Variants in NELL2 observed in about 807,000 individuals in gnomAD.
NELL2 encodes protein kinase C-binding protein NELL2.
NELL2 carries 41 observed loss-of-function variants against 109.6 expected under a neutral mutation model. That is an observed-to-expected ratio of 0.37 (90% CI 0.29 to 0.49). The LOEUF (loss-of-function observed/expected upper bound fraction) is 0.49, where lower values mean the gene tolerates loss of function less well. Ranked by LOEUF, NELL2 falls within the 20% of genes least tolerant of loss-of-function variation. The probability of loss-of-function intolerance (pLI) is 0.98; values close to 1 mark genes in which losing one functional copy is unlikely to be tolerated. For synonymous variants in NELL2, 355 were observed against 344.7 expected (o/e 1.03, Z -0.33); for missense variants, 900 against 1,008.3 (o/e 0.89, Z 1.45).
At chr12:44,867,612 G>GCAA (rs1566562966) in intron 2 of NELL2, among the ~76,000 whole-genome samples, 2 of 152,120 alleles carry the variant, frequency 1.3e-5, no homozygotes, top group Admixed American at 1.3e-4. Flanking sequence ...ACATAGTACT[G>GCAA]TAAGTCCTAG....
chr12:44,547,910 C>G (rs1224870471), intron 15 of NELL2, among the ~76,000 whole-genome samples: 1 of 152,170 alleles, frequency 6.6e-6, no homozygotes, highest in African/African-American at 2.4e-5. Context: ...TCTTACTTAT[C>G]CAGGCTGCTG....
intron 15 of NELL2, among the ~76,000 whole-genome samples, chr12:44,565,912 A>C (rs1394181132): frequency 6.6e-6 from 1 of 152,166 alleles, no homozygotes; most frequent in Non-Finnish European, 1.5e-5. Context: ...TAAGAAGCTT[A>C]GACTTTATCT....
At chr12:44,739,854 C>T (rs535975730) in intron 9 of NELL2, among the ~76,000 whole-genome samples, 1 of 152,276 alleles carries the variant, frequency 6.6e-6, no homozygotes, top group Admixed American at 6.5e-5. Flanking sequence ...TGCGCGACTG[C>T]ACTCCAGCAT....
intron 11 of NELL2, among the ~76,000 whole-genome samples, chr12:44,705,015 T>G (rs1351356507): frequency 1.7e-5 from 1 of 59,920 alleles, no homozygotes; most frequent in Non-Finnish European, 3.9e-5. Context: ...TAGGACTCCA[T>G]CAAAAAAAAA....
chr12:44,762,664 A>G (rs1028938092), intron 9 of NELL2, among the ~76,000 whole-genome samples: 9 of 152,186 alleles, frequency 5.9e-5, no homozygotes, highest in African/African-American at 2.2e-4. Flanking sequence ...CTCACTACAC[A>G]GAGCCTCTGA....
At chr12:44,754,382 C>T (rs1261051915) in intron 9 of NELL2, among the ~76,000 whole-genome samples, 1 of 152,136 alleles carries the variant, frequency 6.6e-6, no homozygotes, top group East Asian at 1.9e-4. Flanking sequence ...CATGAGATAT[C>T]ACCCTTTTGT....
At chr12:44,586,796 T>C (rs1944523646) in intron 15 of NELL2, among the ~76,000 whole-genome samples, 1 of 152,202 alleles carries the variant, frequency 6.6e-6, no homozygotes, top group Non-Finnish European at 1.5e-5. Context: ...TGAAGGAGAT[T>C]GGAATAGACT....
intron 10 of NELL2, among the ~76,000 whole-genome samples, chr12:44,714,180 T>G (rs1281237457): frequency 1.3e-5 from 2 of 151,986 alleles, no homozygotes; most frequent in Non-Finnish European, 2.9e-5. Flanking sequence ...AATTTCCCTT[T>G]AACTAATTTA....
intron 1 of NELL2, among the ~76,000 whole-genome samples, chr12:44,898,332 G>A (rs944796002): frequency 3.9e-5 from 6 of 152,152 alleles, no homozygotes; most frequent in Admixed American, 6.5e-5. Context: ...AGCAGGGGTC[G>A]ACAGACATGT....
At chr12:44,720,944 A>T (rs1938737705) in intron 9 of NELL2, among the ~76,000 whole-genome samples, 1 of 152,198 alleles carries the variant, frequency 6.6e-6, no homozygotes, top group South Asian at 2.1e-4. Context: ...AAAAGAGAAC[A>T]GGCCCTGAAA....
chr12:44,777,562 T>C (rs1227256717), intron 5 of NELL2, among the ~76,000 whole-genome samples: 1 of 152,188 alleles, frequency 6.6e-6, no homozygotes, highest in Non-Finnish European at 1.5e-5. Context: ...TGTCAAGATA[T>C]AACTAAGAGG....
intron 15 of NELL2, among the ~76,000 whole-genome samples, chr12:44,571,449 A>G (rs1318213466): frequency 6.6e-6 from 1 of 152,170 alleles, no homozygotes; most frequent in Non-Finnish European, 1.5e-5. Context: ...CTTATTAAGA[A>G]TCCAGTAAAG....
chr12:44,714,674 T>C lies in NELL2; in HGVS notation c.1062A>G (p.Gly354=). ...GERNTVYSSS[G]VCVLYECKDQ... ...CCTTGCACTCATAGAGAACACATAC[T>C]CCAGAAGAGGAATAGACTGTATTTC... is the stretch of plus-strand genomic sequence containing the variant. The change falls in exon 10 of 20, where the codon GGA becomes GGG. Residue 354 remains glycine, a synonymous_variant. Transcript: ENST00000429094. 1 of 1,600,534 alleles carries C rather than the reference T, an allele frequency of 6.2e-7. No homozygotes were observed. Among genetic ancestry groups the C allele is most frequent in the Non-Finnish European group, 8.5e-7 (1 of 1,174,958 alleles).
At chr12:44,779,357 T>C (rs561480044) in intron 5 of NELL2, among the ~76,000 whole-genome samples, 1 of 152,314 alleles carries the variant, frequency 6.6e-6, no homozygotes, top group South Asian at 2.1e-4. Context: ...GTGGAGAGTT[T>C]ATTTGTATGT....
intron 12 of NELL2, among the ~76,000 whole-genome samples, chr12:44,696,415 T>A (rs1276379508): frequency 2.0e-5 from 3 of 152,176 alleles, no homozygotes; most frequent in African/African-American, 7.2e-5. Flanking sequence ...TTAGGTAGAA[T>A]TCAAATCTTA....
At chr12:44,775,212 C>G (rs1021570709) in intron 8 of NELL2, among the ~76,000 whole-genome samples, 4 of 146,406 alleles carry the variant, frequency 2.7e-5, no homozygotes, top group African/African-American at 1.1e-4. Context: ...ATCATGCACA[C>G]GAACATGCAC....
chr12:44,834,536 T>C (rs1943991167), intron 2 of NELL2, among the ~76,000 whole-genome samples: 2 of 145,842 alleles, frequency 1.4e-5, no homozygotes, highest in African/African-American at 5.1e-5. Flanking sequence ...CAGCAACAAA[T>C]ACCCAGGGGG....
chr12:44,571,610 A>C (rs916620934), intron 15 of NELL2, among the ~76,000 whole-genome samples: 5 of 152,238 alleles, frequency 3.3e-5, no homozygotes, highest in African/African-American at 1.2e-4. Flanking sequence ...TAAATTGATC[A>C]AATGAATGAA....
intron 9 of NELL2, among the ~76,000 whole-genome samples, chr12:44,770,362 T>C (rs1046545068): frequency 6.6e-6 from 1 of 152,136 alleles, no homozygotes; most frequent in Non-Finnish European, 1.5e-5. Flanking sequence ...CCATTATACA[T>C]ATGAGGCAAC....
Sources: allele counts gnomAD v4.1 joint callset (sites outside exome capture counted in the v4.1 genomes callset), GRCh38; gene constraint gnomAD v4.1.1; transcripts MANE v1.5; gene names NCBI Gene and HGNC (gene_info 2026-07-23, HGNC 2026-07-21).